The following LIN52 variants were observed in gnomAD, a reference collection of about 807,000 sequenced individuals.
LIN52 encodes the protein protein lin-52 homolog.
Under a neutral mutation model 18.5 loss-of-function variants are expected in LIN52, and 4 were observed. That is an observed-to-expected ratio of 0.22 (90% CI 0.11 to 0.49). The LOEUF is 0.49. Among genes scored for constraint, LIN52 ranks in the 20% least tolerant of loss-of-function variants. LIN52 has a pLI of 0.97. For synonymous variants in LIN52, 34 were observed against 45.5 expected (o/e 0.75, Z 1.02); for missense variants, 102 against 139.5 (o/e 0.73, Z 1.35).
Position 74,130,295 on chromosome 14 carries a change from T to TTTTTTTTTTTTTTTTTTC in LIN52, c.283+29058_283+29059insTTTTTTTTTTTTTTTTCT, listed in dbSNP as rs1315000657. Among the ~76,000 whole-genome samples the TTTTTTTTTTTTTTTTTTC allele has an allele frequency of 1.7e-4, 24 of 140,358 alleles. 1 individual carries two copies. The highest frequency in any genetic ancestry group is 3.1e-4 in the Non-Finnish European group (20 of 64,294). 92.1% of individuals were successfully genotyped at this position (140,358 alleles called of 152,430 possible). A position where few individuals can be genotyped will look rare whatever the true frequency, so the allele number is the denominator to read the frequency against. ...ATTTTTTGGTTTTTTTTTTTTTTTT[T>TTTTTTTTTTTTTTTTTTC]TGAGACAGTCTCGCTCTTTTGCCAA... On this transcript the variant is annotated intron_variant, in intron 5 of 5. Transcript: ENST00000555028.
intron 5 of LIN52, among the ~76,000 whole-genome samples, chr14:74,104,370 A>G (rs892977198): frequency 1.6e-4 from 24 of 152,080 alleles, no homozygotes; most frequent in Admixed American, 7.9e-4. Flanking sequence ...TAAGGTTCAT[A>G]TACTGTATTT....
intron 5 of LIN52, among the ~76,000 whole-genome samples, chr14:74,149,258 C>A (rs923250833): frequency 2.6e-5 from 4 of 152,276 alleles, no homozygotes; most frequent in Non-Finnish European, 4.4e-5. Context: ...GGCTTTGACC[C>A]AGGGCCGTGC....
chr14:74,173,549 T>TA (rs1355314320), intron 5 of LIN52, among the ~76,000 whole-genome samples: 1 of 152,230 alleles, frequency 6.6e-6, no homozygotes, highest in Admixed American at 6.5e-5. Flanking sequence ...TATGTTTAAA[T>TA]ATACAGTTTG....
intron 5 of LIN52, among the ~76,000 whole-genome samples, chr14:74,191,048 A>C (rs2078872343): frequency 6.6e-6 from 1 of 152,180 alleles, no homozygotes; most frequent in African/African-American, 2.4e-5. Flanking sequence ...TTTCCTGTGG[A>C]GATCTGACAC....
At chr14:74,130,062 A>G (rs1029589558) in intron 5 of LIN52, among the ~76,000 whole-genome samples, 5 of 152,004 alleles carry the variant, frequency 3.3e-5, no homozygotes, top group African/African-American at 9.7e-5. Flanking sequence ...ATGCAGACCC[A>G]CTTGCTATCA....
At chr14:74,102,146 G>A (rs2060862323) in intron 5 of LIN52, among the ~76,000 whole-genome samples, 1 of 152,180 alleles carries the variant, frequency 6.6e-6, no homozygotes, top group African/African-American at 2.4e-5. Flanking sequence ...GGGAGGCTGA[G>A]GATGGAGAAT....
At chr14:74,191,115 G>C (rs2078873705) in intron 5 of LIN52, among the ~76,000 whole-genome samples, 1 of 152,218 alleles carries the variant, frequency 6.6e-6, no homozygotes, top group Non-Finnish European at 1.5e-5. Context: ...CTGCTCTGCT[G>C]TACACCAGCT....
In LIN52 at chr14:74,086,649, C is replaced by T. The variant is rs150072247; in HGVS notation, c.19+1656C>T. Among the ~76,000 whole-genome samples the T allele has an allele frequency of 1.1e-3, 173 of 150,856 alleles. 1 individual carries two copies. Among genetic ancestry groups the T allele is most frequent in the African/African-American group, 4.1e-3 (167 of 41,162 alleles). ...CAGTCTGTGTGACAAAGCGAGACCC[C>T]GTCTCAGAAAAAAAAGAAGGAAAAA... On this transcript the variant is annotated intron_variant, in intron 1 of 5. Coordinates refer to ENST00000555028, the MANE Select transcript of LIN52 (RefSeq NM_001024674.3).
intron 5 of LIN52, among the ~76,000 whole-genome samples, chr14:74,127,602 G>A (rs1215171679): frequency 6.6e-6 from 1 of 152,140 alleles, no homozygotes; most frequent in East Asian, 1.9e-4. Flanking sequence ...TTTGCAGGAA[G>A]GCAAGTGAGG....
chr14:74,129,238 T>G (rs1343566957), intron 5 of LIN52, among the ~76,000 whole-genome samples: 1 of 151,974 alleles, frequency 6.6e-6, no homozygotes, highest in Non-Finnish European at 1.5e-5. Flanking sequence ...AGAAGTGGAG[T>G]CAGAGTTTAG....
intron 1 of LIN52, 174 bp downstream of exon 1, chr14:74,085,167 G>C: frequency 2.0e-6 from 1 of 503,842 alleles, no homozygotes; most frequent in South Asian, 8.5e-5. Context: ...CTTCACAGCA[G>C]CTCCGGAGGT....
At chr14:74,096,040 A>C (rs2060809804) in intron 3 of LIN52, 55 bp downstream of exon 3, 1 of 1,177,982 alleles carries the variant, frequency 8.5e-7, no homozygotes, top group Non-Finnish European at 1.2e-6. Context: ...TCCTGAGTAA[A>C]AGCTCAGATC....
In LIN52 at chr14:74,085,003, G is replaced by T; in HGVS notation, c.19+10G>T. On this transcript the variant is annotated intron_variant, in intron 1 of 5. Transcript: ENST00000555028. ...GCGTCTCCCACAGACGGTAAGAGCC[G>T]GCTTAGAGATCTTTGCCTGCAGCCT... 2.9e-6 allele frequency: 4 copies of T among 1,394,558 alleles called. No homozygotes were observed. The highest frequency in any genetic ancestry group is 3.8e-6 in the Non-Finnish European group (4 of 1,066,644). 86.4% of individuals were successfully genotyped at this position (1,394,558 alleles called of 1,614,324 possible). A position where few individuals can be genotyped will look rare whatever the true frequency, so the allele number is the denominator to read the frequency against.
intron 5 of LIN52, among the ~76,000 whole-genome samples, chr14:74,115,902 C>A (rs1376590762): frequency 2.0e-5 from 3 of 152,166 alleles, no homozygotes; most frequent in Non-Finnish European, 4.4e-5. Context: ...TCATTCTCTT[C>A]TGATTTTTTG....
chr14:74,188,737 G>A (rs1020704038), intron 5 of LIN52, among the ~76,000 whole-genome samples: 1 of 152,148 alleles, frequency 6.6e-6, no homozygotes, highest in Non-Finnish European at 1.5e-5. Context: ...ACAGGAGTGA[G>A]AGAAATTAAT....
chr14:74,157,903 A>G (rs2061206595), intron 5 of LIN52, among the ~76,000 whole-genome samples: 1 of 152,124 alleles, frequency 6.6e-6, no homozygotes, highest in Admixed American at 6.6e-5. Context: ...TTGGTCTCAG[A>G]TTAAGGGCTT....
Position 74,093,684 on chromosome 14 carries a change from G to A in LIN52, c.95-2264G>A, listed in dbSNP as rs573299174. Among the ~76,000 whole-genome samples the A allele has an allele frequency of 2.0e-3, 301 of 152,254 alleles. 1 individual carries two copies. The highest frequency in any genetic ancestry group is 3.7e-3 in the Non-Finnish European group (250 of 68,012). On this transcript the variant is annotated intron_variant, in intron 2 of 5. Coordinates refer to ENST00000555028, the MANE Select transcript of LIN52 (RefSeq NM_001024674.3). ...AAATCCTTGTAAAAGGTACAACTCC[G>A]GCCAGGTGTGATGGCTCACGCCTGT...
At chr14:74,099,389 T>G (rs2060838316) in intron 4 of LIN52, among the ~76,000 whole-genome samples, 1 of 152,206 alleles carries the variant, frequency 6.6e-6, no homozygotes, top group Admixed American at 6.5e-5. Context: ...CAAGGGCATC[T>G]CAGGTTCATT....
intron 5 of LIN52, among the ~76,000 whole-genome samples, chr14:74,112,289 T>C (rs2060934205): frequency 6.6e-6 from 1 of 152,022 alleles, no homozygotes; most frequent in Admixed American, 6.6e-5. Context: ...TTTTTACATA[T>C]TTCCTTGTTT....
Sources: gnomAD v4.1 joint callset for allele counts (sites outside exome capture counted in the v4.1 genomes callset) on GRCh38, gnomAD v4.1.1 for gene constraint, MANE v1.5 for transcripts, NCBI Gene and HGNC (gene_info 2026-07-23, HGNC 2026-07-21) for gene names.